Variants in ADAMTSL1 observed in about 807,000 individuals in gnomAD.
ADAMTSL1 encodes ADAMTS like 1.
In ADAMTSL1, 126 loss-of-function variants were observed where a neutral mutation model predicts 201.8. The ratio of observed to expected loss-of-function variants is 0.62; its 90% CI spans 0.54 to 0.72. The LOEUF (loss-of-function observed/expected upper bound fraction) is 0.72, where lower values mean the gene tolerates loss of function less well. ADAMTSL1 is among the 30% of genes least tolerant of loss of function. The pLI, the probability that ADAMTSL1 is intolerant of heterozygous loss-of-function variation, is 0.00. For synonymous variants in ADAMTSL1, 1,121 were observed against 903.4 expected (o/e 1.24, Z -4.32); for missense variants, 2,679 against 2,277.8 (o/e 1.18, Z -3.59).
chr9:18,905,585 A>G (rs1830258199), intron 26 of ADAMTSL1, 197 bp from the exon 27 acceptor site: 1 of 565,870 alleles, frequency 1.8e-6, no homozygotes, highest in South Asian at 2.1e-5. Flanking sequence ...CCCACAGACC[A>G]CAGGAAATCT....
chr9:18,740,690 T>A (rs1271035480), intron 15 of ADAMTSL1, among the ~76,000 whole-genome samples: 3 of 152,062 alleles, frequency 2.0e-5, no homozygotes, highest in Non-Finnish European at 4.4e-5. Context: ...TTGGCCAGGC[T>A]GGTCTCGAAC....
chr9:18,051,460 C>T (rs1255571530), intron 1 of ADAMTSL1, among the ~76,000 whole-genome samples: 1 of 151,932 alleles, frequency 6.6e-6, no homozygotes, highest in African/African-American at 2.4e-5. Context: ...GGCATGTGTC[C>T]TGTTGGGCTA....
intron 1 of ADAMTSL1, among the ~76,000 whole-genome samples, chr9:18,044,573 C>T (rs897114081): frequency 5.9e-5 from 9 of 152,132 alleles, no homozygotes; most frequent in Admixed American, 1.3e-4. Flanking sequence ...CCACCACTTC[C>T]TTTAGCATCT....
At chr9:18,422,882 T>G (rs1346828804) in intron 2 of ADAMTSL1, among the ~76,000 whole-genome samples, 1 of 152,198 alleles carries the variant, frequency 6.6e-6, no homozygotes. Context: ...TGAGGGCAAG[T>G]GAGATAAACT....
intron 2 of ADAMTSL1, among the ~76,000 whole-genome samples, chr9:18,514,737 T>A (rs939269627): frequency 6.6e-6 from 1 of 152,246 alleles, no homozygotes; most frequent in Middle Eastern, 3.2e-3. Context: ...CATCTGCAAA[T>A]AGAGATAATT....
At chr9:18,881,265 G>A (rs1828517556) in intron 23 of ADAMTSL1, among the ~76,000 whole-genome samples, 1 of 152,218 alleles carries the variant, frequency 6.6e-6, no homozygotes, top group Admixed American at 6.5e-5. Context: ...TTTGGAGCAA[G>A]AGACCTGTCT....
At chr9:18,535,062 C>G (rs574049744) in intron 3 of ADAMTSL1, among the ~76,000 whole-genome samples, 5 of 152,184 alleles carry the variant, frequency 3.3e-5, no homozygotes, top group Admixed American at 3.3e-4. Context: ...TTGCAGCAGG[C>G]TTGAATTTCT....
At chr9:18,132,070 A>G (rs1825975704) in intron 1 of ADAMTSL1, among the ~76,000 whole-genome samples, 1 of 152,154 alleles carries the variant, frequency 6.6e-6, no homozygotes, top group Admixed American at 6.6e-5. Context: ...CTAAGGATCA[A>G]TAATTTTTCC....
chr9:18,421,613 C>T (rs1259719671), intron 2 of ADAMTSL1, among the ~76,000 whole-genome samples: 1 of 152,220 alleles, frequency 6.6e-6, no homozygotes, highest in East Asian at 1.9e-4. Flanking sequence ...AACAGGTCCC[C>T]TGCTGTCAAA....
chr9:18,807,662 A>AAAG (rs1563817818), intron 20 of ADAMTSL1, among the ~76,000 whole-genome samples: 1 of 151,288 alleles, frequency 6.6e-6, no homozygotes, highest in Non-Finnish European at 1.5e-5. Flanking sequence ...AAAAAAACAA[A>AAAG]AAAAAAACAA....
chr9:18,905,912 T>C (rs774828116), intron 27 of ADAMTSL1, 21 bp downstream of exon 27: 69 of 1,571,186 alleles, frequency 4.4e-5, no homozygotes, highest in Non-Finnish European at 5.7e-5. Flanking sequence ...GCCCTGAATC[T>C]CCTTTTCCCA....
At chr9:18,318,444 G>T (rs557810353) in intron 2 of ADAMTSL1, among the ~76,000 whole-genome samples, 1 of 152,308 alleles carries the variant, frequency 6.6e-6, no homozygotes, top group African/African-American at 2.4e-5. Context: ...ACTCAATTCT[G>T]AGTAGCAGTA....
intron 1 of ADAMTSL1, among the ~76,000 whole-genome samples, chr9:17,956,157 C>G (rs1266914169): frequency 1.3e-5 from 2 of 152,134 alleles, no homozygotes; most frequent in African/African-American, 4.8e-5. Context: ...TTACATTTTT[C>G]ATAAATACAT....
chr9:18,043,408 G>A (rs988031105), intron 1 of ADAMTSL1, among the ~76,000 whole-genome samples: 1 of 152,108 alleles, frequency 6.6e-6, no homozygotes, highest in African/African-American at 2.4e-5. Flanking sequence ...AGAACCAGAG[G>A]CAGCTTCCAA....
chr9:18,830,718 A>G (rs1171712956), intron 23 of ADAMTSL1, among the ~76,000 whole-genome samples: 2 of 152,132 alleles, frequency 1.3e-5, no homozygotes, highest in Non-Finnish European at 2.9e-5. Context: ...TTCTGCCTTC[A>G]AAAGGCCTGG....
chr9:17,993,446 G>T (rs577379402), intron 1 of ADAMTSL1, among the ~76,000 whole-genome samples: 1 of 126,048 alleles, frequency 7.9e-6, no homozygotes. Flanking sequence ...AATATAATAA[G>T]AGCCTGTCGT....
rs143401419 is a variant in ADAMTSL1, at chr9:18,239,618, C to T, written c.207+75637C>T. Among the ~76,000 whole-genome samples the T allele has an allele frequency of 4.6e-3, 696 of 151,992 alleles. 5 individuals are homozygous for T. Among genetic ancestry groups the T allele is most frequent in the African/African-American group, 0.016 (660 of 41,458 alleles). ...AAAAAATTAGCTGGGCGTGGTGGTG[C>T]ATGTCTGTAATCCTAGCTACTCGGG... is the stretch of plus-strand genomic sequence containing the variant. On this transcript the variant is annotated intron_variant, in intron 2 of 29. Coordinates refer to the ADAMTSL1 transcript ENST00000680146.
intron 2 of ADAMTSL1, among the ~76,000 whole-genome samples, chr9:18,179,247 G>C (rs1043659289): frequency 6.4e-4 from 97 of 152,252 alleles, no homozygotes; most frequent in Middle Eastern, 6.8e-3. Context: ...CACAGGAGCC[G>C]ATGCGATCAA....
intron 1 of ADAMTSL1, among the ~76,000 whole-genome samples, chr9:17,997,079 G>C (rs1045782402): frequency 2.0e-5 from 3 of 152,082 alleles, no homozygotes. Flanking sequence ...GGGCAGTTCT[G>C]TATTCCATTG....
Sources: allele counts gnomAD v4.1 joint callset (sites outside exome capture counted in the v4.1 genomes callset), GRCh38; gene constraint gnomAD v4.1.1; transcripts MANE v1.5; gene names NCBI Gene and HGNC (gene_info 2026-07-23, HGNC 2026-07-21).